Variants in SHTN1 observed in about 807,000 individuals in gnomAD.
The protein encoded by SHTN1 is shootin 1.
In SHTN1, 42 loss-of-function variants were observed where a neutral mutation model predicts 83.1. That is an observed-to-expected ratio of 0.51 (90% CI 0.39 to 0.65). The LOEUF is 0.65. Among genes scored for constraint, SHTN1 ranks in the 30% least tolerant of loss-of-function variants. SHTN1 has a pLI of 0.00. For synonymous variants in SHTN1, 224 were observed against 247.7 expected (o/e 0.90, Z 0.90); for missense variants, 622 against 737.8 (o/e 0.84, Z 1.82).
intron 1 of SHTN1, among the ~76,000 whole-genome samples, chr10:117,000,243 A>G (rs190149360): frequency 1.4e-4 from 22 of 152,336 alleles, no homozygotes; most frequent in East Asian, 1.2e-3. Flanking sequence ...CCGTTTTCCC[A>G]GACTGACGTG....
intron 15 of SHTN1, among the ~76,000 whole-genome samples, chr10:116,905,438 T>C (rs1262282323): frequency 1.3e-5 from 2 of 152,186 alleles, no homozygotes; most frequent in African/African-American, 2.4e-5. Context: ...AGAATCTTTG[T>C]AAGATTTTAA....
At chr10:116,945,573 G>A (rs1849544542) in intron 7 of SHTN1, among the ~76,000 whole-genome samples, 1 of 152,042 alleles carries the variant, frequency 6.6e-6, no homozygotes, top group Admixed American at 6.6e-5. Flanking sequence ...ATAAACATGT[G>A]GAAAGATGCT....
chr10:116,994,212 G>C (rs1851547527), intron 1 of SHTN1, among the ~76,000 whole-genome samples: 1 of 151,308 alleles, frequency 6.6e-6, no homozygotes, highest in Non-Finnish European at 1.5e-5. Context: ...TTTTTATTGA[G>C]GAAAGGAGTG....
At chr10:116,925,310 C>T (rs1848708168) in intron 11 of SHTN1, among the ~76,000 whole-genome samples, 1 of 152,228 alleles carries the variant, frequency 6.6e-6, no homozygotes, top group South Asian at 2.1e-4. Flanking sequence ...CCTCCCTCAA[C>T]TAACAGGGAA....
intron 2 of SHTN1, among the ~76,000 whole-genome samples, chr10:117,035,365 C>A (rs184744748): frequency 3.6e-4 from 55 of 152,268 alleles, no homozygotes; most frequent in Non-Finnish European, 6.8e-4. Flanking sequence ...AATCTAAGAC[C>A]TTAAACTGTG....
intron 2 of SHTN1, among the ~76,000 whole-genome samples, chr10:117,010,651 C>A (rs1429192852): frequency 6.6e-6 from 1 of 152,150 alleles, no homozygotes; most frequent in Admixed American, 6.5e-5. Flanking sequence ...ACACCAATTT[C>A]TCTTATGAAT....
intron 12 of SHTN1, among the ~76,000 whole-genome samples, chr10:116,921,180 T>A (rs1393531867): frequency 6.6e-6 from 1 of 152,072 alleles, no homozygotes; most frequent in Non-Finnish European, 1.5e-5. Flanking sequence ...TCCTGTACAC[T>A]CCAAGGTACC....
chr10:117,069,974 T>G (rs1853058030), intron 1 of SHTN1, among the ~76,000 whole-genome samples: 1 of 152,054 alleles, frequency 6.6e-6, no homozygotes, highest in South Asian at 2.1e-4. Flanking sequence ...GTAATGAAAT[T>G]GGAATTCAGA....
chr10:116,929,928 C>T lies in SHTN1; in HGVS notation c.933G>A (p.Glu311=). ...ATTCCTTTTTATCTTCCTCTAGAAG[C>T]TCCAGTTGCTGTTTGAGGTTGTGTA... ...KEIHNLKQQL[E]LLEEDKKELE... Residue 311 remains glutamate, a synonymous_variant, in exon 10 of 17, where the codon GAG becomes GAA. Coordinates refer to ENST00000355371, the MANE Select transcript of SHTN1 (RefSeq NM_001127211.3). 1 of 1,609,290 alleles carries T rather than the reference C, an allele frequency of 6.2e-7. No homozygotes were observed. Among genetic ancestry groups the T allele is most frequent in the Non-Finnish European group, 8.5e-7 (1 of 1,176,914 alleles).
intron 1 of SHTN1, among the ~76,000 whole-genome samples, chr10:117,106,008 G>A (rs1279316730): frequency 6.6e-6 from 1 of 150,840 alleles, no homozygotes; most frequent in East Asian, 2.0e-4. Context: ...AGGAGACCTG[G>A]CCTCAGAAAC....
intron 4 of SHTN1, among the ~76,000 whole-genome samples, chr10:116,954,509 T>C (rs1849903000): frequency 6.6e-6 from 1 of 152,206 alleles, no homozygotes; most frequent in Admixed American, 6.5e-5. Flanking sequence ...TTTATAGTCA[T>C]TAATAGTCTT....
intron 1 of SHTN1, among the ~76,000 whole-genome samples, chr10:117,114,597 G>A (rs927290299): frequency 2.0e-5 from 3 of 152,128 alleles, no homozygotes; most frequent in Non-Finnish European, 2.9e-5. Flanking sequence ...CCCAGGCAGC[G>A]TTTCCTCTAC....
At chr10:116,937,512 G>A (rs1370345076) in intron 9 of SHTN1, among the ~76,000 whole-genome samples, 2 of 152,116 alleles carry the variant, frequency 1.3e-5, no homozygotes, top group Non-Finnish European at 2.9e-5. Flanking sequence ...TGGTTTGTAG[G>A]GTTTCTGCAG....
chr10:117,055,430 G>A (rs1055767648), intron 1 of SHTN1, among the ~76,000 whole-genome samples: 18 of 152,180 alleles, frequency 1.2e-4, no homozygotes, highest in African/African-American at 4.3e-4. Context: ...TAACACCAGG[G>A]TTGAAGAGGA....
intron 2 of SHTN1, among the ~76,000 whole-genome samples, chr10:116,978,299 AG>A (rs1850880927): frequency 6.6e-6 from 1 of 152,162 alleles, no homozygotes; most frequent in African/African-American, 2.4e-5. Flanking sequence ...GCTTGCTGCC[AG>A]TTTTTATTAC....
At chr10:116,932,109 T>C (rs1476437861) in intron 9 of SHTN1, among the ~76,000 whole-genome samples, 1 of 152,206 alleles carries the variant, frequency 6.6e-6, no homozygotes, top group Non-Finnish European at 1.5e-5. Context: ...CAATATGTAA[T>C]AAGATACTCT....
At chr10:116,983,759 T>C (rs150818144) in intron 1 of SHTN1, among the ~76,000 whole-genome samples, 19 of 151,972 alleles carry the variant, frequency 1.3e-4, no homozygotes, top group African/African-American at 3.9e-4. Context: ...CACACACATA[T>C]ATATATTTAG....
At chr10:116,929,702 A>C (rs1848880203) in intron 10 of SHTN1, 147 bp downstream of exon 10, 1 of 494,670 alleles carries the variant, frequency 2.0e-6, no homozygotes, top group African/African-American at 2.0e-5. Flanking sequence ...TGCAATGGTT[A>C]GAAATTAAGG....
rs7893569 is a variant in SHTN1, at chr10:117,018,862, C to T, written c.-123+29583G>A. ...CTGGGATTACAGGCGTGAGCCACTG[C>T]GCCTGGCCTGCACTCACCACTTTTA... is the stretch of plus-strand genomic sequence containing the variant. On this transcript the variant is annotated intron_variant, in intron 2 of 17. Coordinates refer to the SHTN1 transcript ENST00000392901. Among the ~76,000 whole-genome samples, 1,260 of 152,120 alleles carry T rather than the reference C, an allele frequency of 8.3e-3. 10 individuals are homozygous for T. Among genetic ancestry groups the T allele is most frequent in the African/African-American group, 0.018 (734 of 41,482 alleles).
Sources: gnomAD v4.1 joint callset for allele counts (sites outside exome capture counted in the v4.1 genomes callset) on GRCh38, gnomAD v4.1.1 for gene constraint, MANE v1.5 for transcripts, NCBI Gene and HGNC (gene_info 2026-07-23, HGNC 2026-07-21) for gene names.